The following TOGARAM2 variants were observed in gnomAD, a reference collection of about 807,000 sequenced individuals.
The protein encoded by TOGARAM2 is TOG array regulator of axonemal microtubules 2, also known as TOG array regulator of axonemal microtubules protein 2.
A neutral mutation model predicts 93.3 loss-of-function variants in TOGARAM2; 85 were observed. The ratio of observed to expected loss-of-function variants is 0.91; its 90% CI spans 0.76 to 1.09. The LOEUF is 1.09. Ranked by LOEUF, TOGARAM2 falls within the 50% of genes least tolerant of loss-of-function variation. The pLI is 0.00. For missense variants in TOGARAM2, 1,277 were observed against 1,334.5 expected (o/e 0.96, Z 0.67); for synonymous variants, 593 against 552.8 (o/e 1.07, Z -1.02).
At chr2:29,045,278 C>G in intron 18 of TOGARAM2, 46 bp from the exon 19 acceptor site, 12 of 1,516,642 alleles carry the variant, frequency 7.9e-6, no homozygotes, top group Non-Finnish European at 1.0e-5. Flanking sequence ...AGTGCTGTCA[C>G]TCAGCCCCCA....
intron 1 of TOGARAM2, among the ~76,000 whole-genome samples, chr2:28,972,179 C>T (rs1671953964): frequency 6.6e-6 from 1 of 152,166 alleles, no homozygotes; most frequent in South Asian, 2.1e-4. Context: ...ACCTCTGCCT[C>T]CTGGGCTCAA....
intron 12 of TOGARAM2, among the ~76,000 whole-genome samples, 177 bp downstream of exon 12, chr2:29,023,368 G>A (rs945767754): frequency 4.6e-5 from 7 of 152,180 alleles, no homozygotes; most frequent in Non-Finnish European, 1.0e-4. Flanking sequence ...GAAAACTGAG[G>A]CCTAGGGTTT....
intron 19 of TOGARAM2, 179 bp downstream of exon 19, chr2:29,045,589 T>C (rs1333488698): frequency 3.2e-5 from 20 of 626,388 alleles, no homozygotes; most frequent in Non-Finnish European, 5.4e-5. Flanking sequence ...GAAGACAATC[T>C]TTGTTTTTGA....
At chr2:29,028,067 G>T (rs1665522000) in intron 14 of TOGARAM2, among the ~76,000 whole-genome samples, 1 of 152,162 alleles carries the variant, frequency 6.6e-6, no homozygotes, top group East Asian at 1.9e-4. Context: ...GAGAGCGAGA[G>T]GATCTGGTTG....
intron 1 of TOGARAM2, among the ~76,000 whole-genome samples, chr2:28,973,441 C>CCTTTCCTTCCTTCCCTTCCCTTT (rs1558394769): frequency 1.0e-4 from 4 of 39,108 alleles, no homozygotes; most frequent in Non-Finnish European, 6.4e-5. Context: ...CCTTCCCTTC[C>CCTTTCCTTCCTTCCCTTCCCTTT]CCTTCCTTCC....
At chr2:28,978,436 C>G (rs1672068318), upstream of TOGARAM2, among the ~76,000 whole-genome samples, 1 of 152,128 alleles carries the variant, frequency 6.6e-6, no homozygotes, top group Non-Finnish European at 1.5e-5. Flanking sequence ...TTCAGGGTAT[C>G]TAGTCCTTCT....
chr2:28,957,220 A>G (rs1671731765), intron 1 of TOGARAM2, among the ~76,000 whole-genome samples: 1 of 151,316 alleles, frequency 6.6e-6, no homozygotes, highest in Non-Finnish European at 1.5e-5. Context: ...TTTGAGATGG[A>G]GTTTTGCTCT....
At position 29,014,574 on chromosome 2, in the gene TOGARAM2, C is replaced by A; in HGVS notation, c.1044+13C>A. On this transcript the variant is annotated intron_variant, in intron 8 of 19. Transcript: ENST00000379558. The stretch of plus-strand genomic sequence containing the variant: ...GATCGGCACCAAGGTACCTGGGGAG[C>A]GGGAGGAGGAGGAAGTGGGGCTGGA... 1 of 1,559,754 alleles carries A rather than the reference C, an allele frequency of 6.4e-7. No individual in the cohort carries two copies. Among genetic ancestry groups the A allele is most frequent in the South Asian group, 1.2e-5 (1 of 84,714 alleles).
chr2:28,975,189 T>G (rs545791493), intron 1 of TOGARAM2, among the ~76,000 whole-genome samples: 14 of 152,214 alleles, frequency 9.2e-5, no homozygotes, highest in African/African-American at 3.4e-4. Flanking sequence ...TTTTTAATTT[T>G]TATTGTTATT....
rs8179619 is a variant in TOGARAM2, at chr2:28,956,923, G to A, written c.-147+226G>A. 3.1e-4 allele frequency among the ~76,000 whole-genome samples: 47 copies of A among 152,112 alleles called. No homozygotes were observed. The South Asian group carries it at 7.3e-3, about 24-fold the overall frequency. Reference sequence around the variant, plus strand: ...GCGGATCACCTGAGGTCAGGAGTTCGAGACTAGCCTAGCCAACATGGCGAA... The same window carrying A: ...GCGGATCACCTGAGGTCAGGAGTTCAAGACTAGCCTAGCCAACATGGCGAA... On this transcript the variant is annotated intron_variant, in intron 1 of 6. Coordinates refer to the TOGARAM2 transcript ENST00000401723. The surrounding 1 kb of genome is among the most constrained non-coding windows in gnomAD (Gnocchi z 4.5).
chr2:28,983,530 T>G (rs368036265), intron 1 of TOGARAM2, among the ~76,000 whole-genome samples: 2 of 152,068 alleles, frequency 1.3e-5, no homozygotes, highest in East Asian at 1.9e-4. Flanking sequence ...ATGTTGTGAG[T>G]GCACCATGAT....
In TOGARAM2 at chr2:28,999,198, C is replaced by T; in HGVS notation, c.157C>T (p.Pro53Ser). ...PHGEGSLQPEPRALLNNEEPS... is the reference protein window; with the variant it reads ...PHGEGSLQPESRALLNNEEPS... ...CCCCTCAGGTTCTCTCCAGCCTGAGCCAAGAGCCCTGCTGAACAACGAGGA... is the reference window on the plus strand; with the variant it reads ...CCCCTCAGGTTCTCTCCAGCCTGAGTCAAGAGCCCTGCTGAACAACGAGGA... The change falls in exon 4 of 20, where the codon CCA becomes TCA. Residue 53 changes from proline to serine, a missense_variant. Coordinates refer to ENST00000379558, the MANE Select transcript of TOGARAM2 (RefSeq NM_199280.4). 6.2e-7 allele frequency: 1 copy of T among 1,613,116 alleles called. No individual in the cohort carries two copies. The highest frequency in any genetic ancestry group is 8.5e-7 in the Non-Finnish European group (1 of 1,179,386).
intron 13 of TOGARAM2, among the ~76,000 whole-genome samples, chr2:29,026,495 A>C (rs1247069281): frequency 6.6e-6 from 1 of 152,178 alleles, no homozygotes; most frequent in Non-Finnish European, 1.5e-5. Context: ...AGAAGGAAGA[A>C]GAGACACTGG....
Position 28,985,390 on chromosome 2 carries a change from G to A in TOGARAM2, c.-111+3852G>A, listed in dbSNP as rs1417109437. On this transcript the variant is annotated intron_variant, in intron 1 of 19. Transcript: ENST00000379558. ...TTTGTTTTTGTTTTTGTTTTAAGTC[G>A]GAGTTTTGCTCTTGTTGCCCAGGCT... Among the ~76,000 whole-genome samples the A allele has an allele frequency of 2.0e-5, 3 of 151,188 alleles. 1 individual carries two copies. The highest frequency in any genetic ancestry group is 4.2e-4 in the South Asian group (2 of 4,770).
At chr2:29,045,823 C>A (rs190863972) in intron 19 of TOGARAM2, 8 of 258,002 alleles carry the variant, frequency 3.1e-5, no homozygotes, top group African/African-American at 1.6e-4. Context: ...GAAAAAAAGC[C>A]GAAGTACTTC....
chr2:29,049,895 G>A (rs994859755), intron 19 of TOGARAM2: 27 of 152,174 alleles, frequency 1.8e-4, no homozygotes, highest in African/African-American at 5.3e-4. Flanking sequence ...CTTGATAAAT[G>A]TCACCAAGAG....
At position 29,035,445 on chromosome 2, in the gene TOGARAM2, C is replaced by T. The variant is rs559545904; in HGVS notation, c.2226-19C>T. ...CGGGCTCTTCCCTGGGGGGTTCAGA[C>T]GCCACGCTCCTTACCTAGGCTCAGC... On this transcript the variant is annotated intron_variant, in intron 16 of 19. Coordinates refer to ENST00000379558, the MANE Select transcript of TOGARAM2 (RefSeq NM_199280.4). 6.1e-5 allele frequency: 82 copies of T among 1,341,488 alleles called. No individual in the cohort carries two copies. The highest frequency in any genetic ancestry group is 3.0e-4 in the South Asian group (14 of 46,032). 83.1% of individuals were successfully genotyped at this position (1,341,488 alleles called of 1,614,324 possible).
At chr2:29,030,489 G>A (rs1305356982) in intron 14 of TOGARAM2, among the ~76,000 whole-genome samples, 14 of 152,100 alleles carry the variant, frequency 9.2e-5, no homozygotes, top group African/African-American at 3.1e-4. Flanking sequence ...GAAGGTTTTG[G>A]TTTGCTTGTT....
chr2:28,993,811 TC>T (rs1672858057), intron 1 of TOGARAM2, among the ~76,000 whole-genome samples: 1 of 152,192 alleles, frequency 6.6e-6, no homozygotes, highest in African/African-American at 2.4e-5. Context: ...CTGGCTGGCT[TC>T]CAGACAGAAG....
Sources: allele counts gnomAD v4.1 joint callset (sites outside exome capture counted in the v4.1 genomes callset), GRCh38; gene constraint gnomAD v4.1.1; non-coding constraint Gnocchi (gnomAD v3.1); transcripts MANE v1.5; gene names NCBI Gene and HGNC (gene_info 2026-07-23, HGNC 2026-07-21).